SLFN12L: variants seen among roughly 807,000 people sequenced by gnomAD.
The protein encoded by SLFN12L is schlafen family member 12 like.
SLFN12L carries 34 observed loss-of-function variants against 34.8 expected under a neutral mutation model. The ratio of observed to expected loss-of-function variants is 0.98; its 90% CI spans 0.74 to 1.30. SLFN12L has a LOEUF of 1.30. SLFN12L is among the 50% of genes most tolerant of loss of function. SLFN12L has a pLI of 0.00. For synonymous variants in SLFN12L, 259 were observed against 247.5 expected (o/e 1.05, Z -0.44); for missense variants, 703 against 696.2 (o/e 1.01, Z -0.11).
chr17:35,475,923 A>ATTT (rs766381656), intron 4 of SLFN12L, among the ~76,000 whole-genome samples: 1 of 142,948 alleles, frequency 7.0e-6, no homozygotes, highest in Non-Finnish European at 1.5e-5. Flanking sequence ...ATATATATAT[A>ATTT]TTTTTTTAAA....
At chr17:35,514,640 C>A (rs913706610) in intron 2 of SLFN12L, 2 of 262,106 alleles carry the variant, frequency 7.6e-6, no homozygotes, top group Non-Finnish European at 1.5e-5. Flanking sequence ...ACAAAGTAAA[C>A]ATTAACTTTG....
At position 35,479,427 on chromosome 17, in the gene SLFN12L, T is replaced by G. The variant is rs764236482; in HGVS notation, c.855A>C (p.Glu285Asp). The stretch of plus-strand genomic sequence containing the variant: ...CTTTAAAGCCAATTACTTCTTTATC[T>G]TCATTTAGACCAACGAATAAATATC... Reference protein sequence around the residue: ...DGGYLFVGLNEDKEVIGFKAE... With the variant: ...DGGYLFVGLNDDKEVIGFKAE... The change falls in exon 3 of 5, where the codon GAA becomes GAC. Residue 285 changes from glutamate (E) to aspartate (D), a missense_variant. Coordinates refer to ENST00000628453, the MANE Select transcript of SLFN12L (RefSeq NM_001363830.2). 14 of 1,613,978 alleles carry G rather than the reference T, an allele frequency of 8.7e-6. No homozygotes were observed. The highest frequency in any genetic ancestry group is 4.4e-5 in the South Asian group (4 of 91,066).
intron 2 of SLFN12L, chr17:35,498,746 C>A: frequency 7.7e-7 from 1 of 1,297,414 alleles, no homozygotes; most frequent in Non-Finnish European, 1.1e-6. Flanking sequence ...ACCTTATCCA[C>A]TACCTCCAAA....
Position 35,470,755 on chromosome 17 carries a change from T to G in SLFN12L, c.*4168A>C, listed in dbSNP as rs999348921. ...TGCAGGTTTGTTACATAGGTATACA[T>G]GTGCCATGGTGGTTTGCTGCACCTA... On this transcript the variant is annotated 3_prime_UTR_variant, in exon 5 of 5. Coordinates refer to ENST00000628453, the MANE Select transcript of SLFN12L (RefSeq NM_001363830.2). The G allele has an allele frequency of 3.3e-5, 5 of 152,020 alleles. No individual in the cohort carries two copies. Among genetic ancestry groups the G allele is most frequent in the African/African-American group, 1.2e-4 (5 of 41,356 alleles). The allele number at this position is 152,020 out of a possible 1,614,324, so 9.4% of individuals were successfully genotyped here.
chr17:35,478,294 A>G (rs1914128724), intron 3 of SLFN12L, 109 bp from the exon 4 acceptor site: 2 of 661,796 alleles, frequency 3.0e-6, no homozygotes, highest in African/African-American at 1.9e-5. Context: ...CTGATCCTGC[A>G]TTCCCAATAC....
chr17:35,496,212 G>T (rs998233516), intron 2 of SLFN12L, among the ~76,000 whole-genome samples: 6 of 151,998 alleles, frequency 3.9e-5, no homozygotes, highest in African/African-American at 1.5e-4. Context: ...GTCCAGGCAC[G>T]GTGGCTCACG....
intron 2 of SLFN12L, among the ~76,000 whole-genome samples, chr17:35,501,801 A>T (rs1255209813): frequency 6.6e-6 from 1 of 152,168 alleles, no homozygotes; most frequent in Non-Finnish European, 1.5e-5. Context: ...CTTGTTTCAA[A>T]GGTATGGCAC....
chr17:35,466,131 G>A lies in SLFN12L; in HGVS notation c.*8792C>T, dbSNP rs558040447. On this transcript the variant is annotated 3_prime_UTR_variant, in exon 5 of 5. Coordinates refer to ENST00000628453, the MANE Select transcript of SLFN12L (RefSeq NM_001363830.2). ...TTAGTGTGGTACATTTGTTACAATT[G>A]ATTAATCTAAATTAATACATCATAA... 6.6e-6 allele frequency among the ~76,000 whole-genome samples: 1 copy of A among 152,094 alleles called. No homozygotes were observed. Among genetic ancestry groups the A allele is most frequent in the Non-Finnish European group, 1.5e-5 (1 of 68,014 alleles).
In SLFN12L at chr17:35,468,441, A is replaced by G. The variant is rs1913750381; in HGVS notation, c.*6482T>C. 6.6e-6 allele frequency among the ~76,000 whole-genome samples: 1 copy of G among 152,168 alleles called. No individual in the cohort carries two copies. Among genetic ancestry groups the G allele is most frequent in the African/African-American group, 2.4e-5 (1 of 41,442 alleles). ...GCCTCAGATGACATCGATCCAGCTT[A>G]CCGTCAGAGATGAATTTACCCCTGC... On this transcript the variant is annotated 3_prime_UTR_variant, in exon 5 of 5. Transcript: ENST00000628453.
chr17:35,530,750 T>TG (rs1828959383), intron 1 of SLFN12L, among the ~76,000 whole-genome samples: 2 of 152,174 alleles, frequency 1.3e-5, no homozygotes, highest in Admixed American at 6.6e-5. Context: ...AACTGTGCTA[T>TG]GGTGAGAAGG....
intron 3 of SLFN12L, 43 bp downstream of exon 3, chr17:35,479,073 AC>A: frequency 1.4e-6 from 2 of 1,430,380 alleles, no homozygotes; most frequent in Non-Finnish European, 9.4e-7. Context: ...CCTTCCTGCC[AC>A]CCAAGCCAAA....
intron 2 of SLFN12L, chr17:35,499,143 C>G (rs979116722): frequency 4.6e-6 from 4 of 866,602 alleles, no homozygotes; most frequent in Non-Finnish European, 3.7e-6. Flanking sequence ...AGACATGTCC[C>G]GCATCCATTT....
At chr17:35,518,881 A>C (rs1360687470) in intron 2 of SLFN12L, among the ~76,000 whole-genome samples, 4 of 152,226 alleles carry the variant, frequency 2.6e-5, no homozygotes, top group African/African-American at 9.6e-5. Flanking sequence ...TCATTCTACT[A>C]TAAAGACACA....
chr17:35,498,508 C>T, intron 2 of SLFN12L: 4 of 1,215,730 alleles, frequency 3.3e-6, no homozygotes, highest in Non-Finnish European at 4.9e-6. Context: ...CTCCTTTATC[C>T]TCTCTTTGTC....
rs1400391059 is a variant in SLFN12L, at chr17:35,468,969, C to T, written c.*5954G>A. On this transcript the variant is annotated 3_prime_UTR_variant, in exon 5 of 5. Coordinates refer to ENST00000628453, the MANE Select transcript of SLFN12L (RefSeq NM_001363830.2). Reference sequence around the variant, plus strand: ...AGGTCAAGGCTGTAATGAGCTATGACCACACCACTGCACTCCAGCCTCGGT... The same window carrying T: ...AGGTCAAGGCTGTAATGAGCTATGATCACACCACTGCACTCCAGCCTCGGT... 6.6e-6 allele frequency among the ~76,000 whole-genome samples: 1 copy of T among 152,032 alleles called. No individual in the cohort carries two copies. The highest frequency in any genetic ancestry group is 2.4e-5 in the African/African-American group (1 of 41,376).
At chr17:35,507,886 T>A (rs1045705894) in intron 2 of SLFN12L, among the ~76,000 whole-genome samples, 8 of 152,000 alleles carry the variant, frequency 5.3e-5, no homozygotes, top group Non-Finnish European at 1.0e-4. Flanking sequence ...CACTAATGAG[T>A]GAGATTCTCA....
At chr17:35,508,646 C>A (rs932744356) in intron 2 of SLFN12L, among the ~76,000 whole-genome samples, 4 of 152,084 alleles carry the variant, frequency 2.6e-5, no homozygotes, top group African/African-American at 4.8e-5. Context: ...CTGTGCCCAG[C>A]CTAATTTCTA....
chr17:35,482,528 C>A (rs1914385529), intron 2 of SLFN12L, among the ~76,000 whole-genome samples: 1 of 152,114 alleles, frequency 6.6e-6, no homozygotes, highest in South Asian at 2.1e-4. Context: ...ATGCTAGAAT[C>A]CTGCCCCACA....
At chr17:35,530,523 A>AAAGAAAGAAAGAAAG (rs1567694723) in intron 1 of SLFN12L, among the ~76,000 whole-genome samples, 5 of 43,838 alleles carry the variant, frequency 1.1e-4, no homozygotes, top group African/African-American at 3.5e-4. Flanking sequence ...AAAAGAAAAG[A>AAAGAAAGAAAGAAAG]AAAGAAAAGA....
Sources: gnomAD v4.1 joint callset for allele counts (sites outside exome capture counted in the v4.1 genomes callset) on GRCh38, gnomAD v4.1.1 for gene constraint, MANE v1.5 for transcripts, NCBI Gene and HGNC (gene_info 2026-07-23, HGNC 2026-07-21) for gene names.